The following DPP10 variants were observed in gnomAD, a reference collection of about 807,000 sequenced individuals.
The protein encoded by DPP10 is dipeptidyl peptidase like 10, also known as inactive dipeptidyl peptidase 10.
In DPP10, 33 loss-of-function variants were observed where a neutral mutation model predicts 120.9. The ratio of observed to expected loss-of-function variants is 0.27; its 90% CI spans 0.21 to 0.37. DPP10 has a LOEUF of 0.37. Ranked by LOEUF, DPP10 falls within the 10% of genes least tolerant of loss-of-function variation. The pLI, the probability that DPP10 is intolerant of heterozygous loss-of-function variation, is 1.00. For missense variants in DPP10, 816 were observed against 942.8 expected, an observed-to-expected ratio of 0.87 and a Z score of 1.76; for synonymous variants, 337 against 326.1, an observed-to-expected ratio of 1.03 and a Z score of -0.36.
intron 3 of DPP10, among the ~76,000 whole-genome samples, chr2:115,395,440 A>T (rs773055723): frequency 4.6e-5 from 7 of 152,172 alleles, no homozygotes; most frequent in Non-Finnish European, 8.8e-5. Flanking sequence ...TTTCAGAAGG[A>T]CACAGTTCAT....
chr2:114,496,576 C>T (rs779165600), intron 1 of DPP10, among the ~76,000 whole-genome samples: 2 of 152,052 alleles, frequency 1.3e-5, no homozygotes, highest in African/African-American at 2.4e-5. Flanking sequence ...GCACTAATCC[C>T]ATTCATAAGG....
At chr2:114,963,459 T>C (rs1379229327) in intron 1 of DPP10, among the ~76,000 whole-genome samples, 1 of 152,184 alleles carries the variant, frequency 6.6e-6, no homozygotes, top group African/African-American at 2.4e-5. Context: ...GTAGTTAGAC[T>C]GAATATACAA....
chr2:115,189,372 G>A (rs1394598479), intron 1 of DPP10, among the ~76,000 whole-genome samples: 3 of 152,130 alleles, frequency 2.0e-5, no homozygotes, highest in South Asian at 2.1e-4. Flanking sequence ...CAGAGCAGGC[G>A]ACAAGGGGTG....
intron 2 of DPP10, among the ~76,000 whole-genome samples, chr2:115,323,320 A>G (rs1305042923): frequency 1.3e-5 from 2 of 152,192 alleles, no homozygotes; most frequent in Non-Finnish European, 2.9e-5. Flanking sequence ...TTATTTTGAG[A>G]TTGCAGCAGT....
intron 1 of DPP10, among the ~76,000 whole-genome samples, chr2:115,264,098 C>CTT (rs1298326812): frequency 6.6e-6 from 1 of 152,044 alleles, no homozygotes; most frequent in Non-Finnish European, 1.5e-5. Context: ...AAAACTTAAA[C>CTT]TTTTGAGGCT....
chr2:114,850,311 G>T (rs1574338755), intron 1 of DPP10, among the ~76,000 whole-genome samples: 2 of 152,048 alleles, frequency 1.3e-5, no homozygotes, highest in East Asian at 3.9e-4. Flanking sequence ...ACAGGTGTGT[G>T]CCACCACACC....
intron 4 of DPP10, among the ~76,000 whole-genome samples, chr2:115,507,678 T>C (rs908901005): frequency 3.3e-5 from 5 of 152,090 alleles, no homozygotes; most frequent in African/African-American, 1.2e-4. Context: ...TACTGAGTTT[T>C]GTAGGTCAAG....
intron 1 of DPP10, among the ~76,000 whole-genome samples, chr2:114,930,542 T>A (rs942171369): frequency 1.3e-5 from 2 of 152,248 alleles, no homozygotes; most frequent in African/African-American, 2.4e-5. Flanking sequence ...AGTAAGTTCC[T>A]CATTTCCATC....
chr2:115,124,328 G>A (rs1162815850), intron 1 of DPP10, among the ~76,000 whole-genome samples: 1 of 152,072 alleles, frequency 6.6e-6, no homozygotes, highest in African/African-American at 2.4e-5. Context: ...ATAGCTCCAC[G>A]TGAGCATTCT....
intron 1 of DPP10, among the ~76,000 whole-genome samples, chr2:115,046,022 G>A (rs1050400256): frequency 7.9e-5 from 12 of 151,526 alleles, no homozygotes; most frequent in Non-Finnish European, 8.8e-5. Context: ...GTGTGTGTGT[G>A]TGTGTGTGTG....
chr2:115,221,125 C>T (rs1211711352), intron 1 of DPP10, among the ~76,000 whole-genome samples: 1 of 151,822 alleles, frequency 6.6e-6, no homozygotes, highest in Non-Finnish European at 1.5e-5. Flanking sequence ...GTAGATGTTG[C>T]AGTTGTTAGA....
At chr2:115,363,894 C>T (rs2064933652) in intron 3 of DPP10, among the ~76,000 whole-genome samples, 1 of 152,084 alleles carries the variant, frequency 6.6e-6, no homozygotes. Context: ...GTATTTATTC[C>T]TCATGAATTA....
intron 1 of DPP10, among the ~76,000 whole-genome samples, chr2:115,256,525 C>T (rs965485178): frequency 1.3e-5 from 2 of 152,232 alleles, no homozygotes; most frequent in South Asian, 2.1e-4. Context: ...AGTAGTGTTC[C>T]GAGGTAGTGT....
intron 1 of DPP10, among the ~76,000 whole-genome samples, chr2:114,807,075 G>A (rs779517714): frequency 1.3e-5 from 2 of 152,074 alleles, no homozygotes; most frequent in South Asian, 2.1e-4. Context: ...TTTAAGTTAC[G>A]TAACATAATG....
At chr2:115,000,405 C>G (rs546507437) in intron 1 of DPP10, among the ~76,000 whole-genome samples, 7 of 152,178 alleles carry the variant, frequency 4.6e-5, no homozygotes, top group African/African-American at 1.7e-4. Flanking sequence ...ATAACTCCAG[C>G]AAATAAATAC....
At chr2:114,645,646 A>G (rs1696063965) in intron 1 of DPP10, among the ~76,000 whole-genome samples, 1 of 152,176 alleles carries the variant, frequency 6.6e-6, no homozygotes, top group South Asian at 2.1e-4. Flanking sequence ...AGCATGAGGA[A>G]TTGAAGGCTC....
chr2:114,699,664 T>C (rs192204660), intron 1 of DPP10, among the ~76,000 whole-genome samples: 1 of 152,212 alleles, frequency 6.6e-6, no homozygotes, highest in East Asian at 1.9e-4. Context: ...AAGGTTTACA[T>C]GTTAAGACAA....
chr2:114,942,487 G>C (rs982158781), intron 1 of DPP10, among the ~76,000 whole-genome samples: 1 of 147,892 alleles, frequency 6.8e-6, no homozygotes, highest in East Asian at 2.0e-4. Flanking sequence ...CATTCCGCAT[G>C]GGAAGGATGG....
chr2:115,817,960 T>G (rs765953464), intron 21 of DPP10, among the ~76,000 whole-genome samples: 1 of 151,870 alleles, frequency 6.6e-6, no homozygotes, highest in Admixed American at 6.6e-5. Context: ...TGGTTTTTAA[T>G]GGATATATAA....
Sources: allele counts gnomAD v4.1 joint callset (sites outside exome capture counted in the v4.1 genomes callset), GRCh38; gene constraint gnomAD v4.1.1; transcripts MANE v1.5; gene names NCBI Gene and HGNC (gene_info 2026-07-23, HGNC 2026-07-21).